The following BAIAP2L1 variants were observed in gnomAD, a reference collection of about 807,000 sequenced individuals.
BAIAP2L1 encodes BAR/IMD domain-containing adapter protein 2-like 1.
A neutral mutation model predicts 66.3 loss-of-function variants in BAIAP2L1; 35 were observed. The observed-to-expected ratio is 0.53, with a 90% CI of 0.40 to 0.70. The LOEUF is 0.70. Ranked by LOEUF, BAIAP2L1 falls within the 30% of genes least tolerant of loss-of-function variation. BAIAP2L1 has a pLI of 0.00. For synonymous variants in BAIAP2L1, 269 were observed against 248.7 expected, an observed-to-expected ratio of 1.08 and a Z score of -0.77; for missense variants, 622 against 656.9, an observed-to-expected ratio of 0.95 and a Z score of 0.58.
chr7:98,309,782 G>A (rs1220261129), intron 9 of BAIAP2L1: 1 of 151,242 alleles, frequency 6.6e-6, no homozygotes, highest in East Asian at 1.9e-4. Flanking sequence ...GGTCTCGAGG[G>A]TCCTGGGTGC....
At chr7:98,355,935 G>A (rs1031795028) in intron 2 of BAIAP2L1, among the ~76,000 whole-genome samples, 1 of 152,090 alleles carries the variant, frequency 6.6e-6, no homozygotes, top group Admixed American at 6.6e-5. Context: ...TTTGTTGCCA[G>A]GAGAGAATAT....
At chr7:98,305,076 A>G (rs1800600787) in intron 11 of BAIAP2L1, among the ~76,000 whole-genome samples, 1 of 114,746 alleles carries the variant, frequency 8.7e-6, no homozygotes, top group Non-Finnish European at 1.7e-5. Context: ...TTTTTAGTAG[A>G]GACGGGGTTT....
intron 3 of BAIAP2L1, among the ~76,000 whole-genome samples, chr7:98,334,072 C>T (rs545780335): frequency 6.6e-5 from 10 of 152,050 alleles, no homozygotes; most frequent in Non-Finnish European, 1.5e-4. Flanking sequence ...CTAAACTTCC[C>T]GGGGGACTCA....
rs1196924229 is a variant in BAIAP2L1, at chr7:98,294,114, G to A, written c.1423-3C>T. 1.9e-6 allele frequency: 3 copies of A among 1,613,962 alleles called. No homozygotes were observed. Among genetic ancestry groups the A allele is most frequent in the Admixed American group, 3.3e-5 (2 of 60,018 alleles). ...TTTGCAGTCCCGTTGGCATCGTTCT[G>A]TGAGAAAGATAAAGAAGTTTATGGA... On this transcript the variant is annotated splice_polypyrimidine_tract_variant and splice_region_variant and intron_variant, in intron 12 of 13. Coordinates refer to ENST00000005260, the MANE Select transcript of BAIAP2L1 (RefSeq NM_018842.5).
intron 1 of BAIAP2L1, among the ~76,000 whole-genome samples, chr7:98,372,561 C>T (rs1171080803): frequency 6.6e-6 from 1 of 152,020 alleles, no homozygotes; most frequent in African/African-American, 2.4e-5. Context: ...AGTTCTGTGG[C>T]TTGTAACGTA....
chr7:98,306,291 C>A, intron 11 of BAIAP2L1, 148 bp downstream of exon 11: 2 of 947,566 alleles, frequency 2.1e-6, no homozygotes, highest in Non-Finnish European at 3.2e-6. Flanking sequence ...CGGCAGACAG[C>A]ACTGTGAGCC....
At chr7:98,355,554 T>TCCA (rs1160844058) in intron 2 of BAIAP2L1, 5 of 60,280 alleles carry the variant, frequency 8.3e-5, no homozygotes, top group Non-Finnish European at 2.3e-4. Flanking sequence ...ACCCCGCCTC[T>TCCA]ACAAAAAAAA....
intron 1 of BAIAP2L1, 32 bp from the exon 2 acceptor site, chr7:98,362,464 A>C (rs1447675264): frequency 1.3e-6 from 2 of 1,567,478 alleles, no homozygotes; most frequent in Admixed American, 3.7e-5. Context: ...CAAATTAATA[A>C]AATAAAAAAT....
chr7:98,323,446 T>G (rs1271144316), intron 3 of BAIAP2L1: 1 of 152,210 alleles, frequency 6.6e-6, no homozygotes, highest in Non-Finnish European at 1.5e-5. Flanking sequence ...CTCAAAGCAT[T>G]CGGTGATTTG....
rs369219865 is a variant in BAIAP2L1 at position 98,292,700 on chromosome 7, G to A, written c.*821C>T. On this transcript the variant is annotated 3_prime_UTR_variant, in exon 14 of 14. Coordinates refer to ENST00000005260, the MANE Select transcript of BAIAP2L1 (RefSeq NM_018842.5). ...GAGAGTCTGTACCTGATTCAAACAC[G>A]GAGAAACCAGGACCCCGAGCAGTTT... The A allele has an allele frequency of 1.1e-4, 175 of 1,551,600 alleles. 1 individual carries two copies. The African/African-American group carries it at 2.1e-3, about 18-fold the overall frequency.
chr7:98,391,899 A>G (rs9649213), intron 1 of BAIAP2L1, among the ~76,000 whole-genome samples: 64,082 of 151,712 alleles, frequency 0.42, 14,461 homozygotes, highest in African/African-American at 0.58. Context: ...GTTTATGGGG[A>G]AAAGTATGCC....
chr7:98,373,699 A>C (rs1209027849), intron 1 of BAIAP2L1, among the ~76,000 whole-genome samples: 3 of 152,220 alleles, frequency 2.0e-5, no homozygotes, highest in African/African-American at 7.2e-5. Context: ...CTTGATACTC[A>C]GTACACACTG....
intron 1 of BAIAP2L1, among the ~76,000 whole-genome samples, chr7:98,380,077 G>C (rs1356366611): frequency 3.3e-5 from 5 of 150,640 alleles, no homozygotes; most frequent in African/African-American, 9.8e-5. Flanking sequence ...CCTCAAAAAT[G>C]CTTTTTTTTT....
At chr7:98,358,232 A>G (rs1407490739) in intron 2 of BAIAP2L1, among the ~76,000 whole-genome samples, 1 of 152,220 alleles carries the variant, frequency 6.6e-6, no homozygotes, top group East Asian at 1.9e-4. Context: ...AGTTAAATTA[A>G]CTTGAAAATT....
At chr7:98,333,673 T>G (rs1801549976) in intron 3 of BAIAP2L1, among the ~76,000 whole-genome samples, 1 of 152,114 alleles carries the variant, frequency 6.6e-6, no homozygotes, top group Non-Finnish European at 1.5e-5. Context: ...CTACTGCAAT[T>G]TCTTGATTAT....
At chr7:98,317,134 T>G in intron 6 of BAIAP2L1, 85 bp downstream of exon 6, 196 of 1,559,298 alleles carry the variant, frequency 1.3e-4, no homozygotes, top group Middle Eastern at 1.7e-4. Context: ...ATTACAGGCG[T>G]GAGCCACCGC....
intron 1 of BAIAP2L1, among the ~76,000 whole-genome samples, chr7:98,399,451 A>G (rs1254195704): frequency 1.3e-5 from 2 of 152,182 alleles, no homozygotes; most frequent in Non-Finnish European, 2.9e-5. Flanking sequence ...GAAAACCCAG[A>G]AACTAAAATT....
At chr7:98,357,458 T>G (rs1450741976) in intron 2 of BAIAP2L1, among the ~76,000 whole-genome samples, 1 of 150,656 alleles carries the variant, frequency 6.6e-6, no homozygotes, top group Non-Finnish European at 1.5e-5. Flanking sequence ...TCCCAGCTAT[T>G]CGGGAGGCTG....
chr7:98,349,735 G>T (rs962284154), intron 3 of BAIAP2L1, among the ~76,000 whole-genome samples: 1 of 151,664 alleles, frequency 6.6e-6, no homozygotes, highest in Non-Finnish European at 1.5e-5. Flanking sequence ...TACGGCCGGG[G>T]ATGGTGGCTC....
Sources: allele counts gnomAD v4.1 joint callset (sites outside exome capture counted in the v4.1 genomes callset), GRCh38; gene constraint gnomAD v4.1.1; transcripts MANE v1.5; gene names NCBI Gene and HGNC (gene_info 2026-07-23, HGNC 2026-07-21).